Variants in DENND5B observed in about 807,000 individuals in gnomAD.
DENND5B encodes DENN domain containing 5B, also known as DENN domain-containing protein 5B.
Under a neutral mutation model 140.6 loss-of-function variants are expected in DENND5B, and 34 were observed. That is an observed-to-expected ratio of 0.24 (90% CI 0.18 to 0.32). DENND5B has a LOEUF of 0.32. Among genes scored for constraint, DENND5B ranks in the 10% least tolerant of loss-of-function variants. The probability of loss-of-function intolerance (pLI) is 1.00; values close to 1 mark genes in which losing one functional copy is unlikely to be tolerated. For synonymous variants in DENND5B, 551 were observed against 562.1 expected, an observed-to-expected ratio of 0.98 and a Z score of 0.28; for missense variants, 1,142 against 1,560.2, an observed-to-expected ratio of 0.73 and a Z score of 4.52.
intron 1 of DENND5B, among the ~76,000 whole-genome samples, chr12:31,503,547 T>C (rs1947089005): frequency 6.6e-6 from 1 of 152,154 alleles, no homozygotes; most frequent in Non-Finnish European, 1.5e-5. Flanking sequence ...CCAAACTCTG[T>C]GTCTAAACAA....
chr12:31,418,307 G>T (rs1470685877), intron 11 of DENND5B, among the ~76,000 whole-genome samples: 2 of 142,434 alleles, frequency 1.4e-5, no homozygotes, highest in Admixed American at 7.3e-5. Context: ...TTGAGATAGG[G>T]TCTCACTCTT....
At chr12:31,552,050 C>G (rs1202453877) in intron 1 of DENND5B, among the ~76,000 whole-genome samples, 2 of 152,046 alleles carry the variant, frequency 1.3e-5, no homozygotes, top group African/African-American at 2.4e-5. Context: ...ATTGAATACC[C>G]TTTATTTCCT....
At position 31,392,693 on chromosome 12, in the gene DENND5B, G is replaced by A. The variant is rs1407343028; in HGVS notation, c.3260C>T (p.Pro1087Leu). Residue 1087 changes from proline (P) to leucine (L), a missense_variant, in exon 18 of 21, where the codon CCC (proline) becomes CTC (leucine). Coordinates refer to ENST00000389082, the MANE Select transcript of DENND5B (RefSeq NM_144973.4). ...TCCTTCTTGTATCTGCCCAGCATTG[G>A]GTTCTGTAAAATAATAAACAGTGGC... ...ITSLTGKNNKPNAGQIQEGIG... is the reference protein window; with the variant it reads ...ITSLTGKNNKLNAGQIQEGIG... 7 of 1,554,266 alleles carry A rather than the reference G, an allele frequency of 4.5e-6. No homozygotes were observed. The highest frequency in any genetic ancestry group is 3.3e-4 in the Middle Eastern group (2 of 5,988).
chr12:31,572,585 A>G (rs1949866548), intron 1 of DENND5B, among the ~76,000 whole-genome samples: 1 of 151,532 alleles, frequency 6.6e-6, no homozygotes. Flanking sequence ...ACACATAGCC[A>G]ATGAAATCAG....
At chr12:31,500,437 C>T (rs547319670) in intron 1 of DENND5B, 13 of 446,546 alleles carry the variant, frequency 2.9e-5, no homozygotes, top group Admixed American at 9.8e-5. Context: ...CTCAGCACTT[C>T]GGGAGGCCGA....
At chr12:31,569,548 C>A (rs1258875582) in intron 1 of DENND5B, among the ~76,000 whole-genome samples, 1 of 152,156 alleles carries the variant, frequency 6.6e-6, no homozygotes, top group African/African-American at 2.4e-5. Context: ...ATGGCTCATG[C>A]CTATAATCCC....
rs766821895 is a variant in DENND5B, at chr12:31,451,987, T to C, written c.1582A>G (p.Met528Val). The C allele has an allele frequency of 8.1e-6, 13 of 1,612,946 alleles. No individual in the cohort carries two copies. The highest frequency in any genetic ancestry group is 4.5e-5 in the East Asian group (2 of 44,896). ...TCCCGGTTGGTCAGCCAGGATTCCA[T>C]GTCCTGGGCAGTCTGAATGACAAAT... ...EAFVIQTAQD[M>V]ESWLTNREQM... Residue 528 changes from methionine to valine, a missense_variant, in exon 5 of 21, where the codon ATG becomes GTG. Around this residue, in one of 5 missense-constraint regions of DENND5B, gnomAD observed 708 missense variants for 905.5 expected, o/e 0.78. Coordinates refer to ENST00000389082, the MANE Select transcript of DENND5B (RefSeq NM_144973.4).
In DENND5B at chr12:31,447,637, C is replaced by T; in HGVS notation, c.1762G>A (p.Val588Ile). Reference protein sequence around the residue: ...QWEEKDPLLRVFDTRIDKIRL... With the variant: ...QWEEKDPLLRIFDTRIDKIRL... ...ATCTTATCAATCCGAGTGTCAAAGA[C>T]CCGAAGCAAAGGATCTTTCTCTTCC... is the stretch of plus-strand genomic sequence containing the variant. Residue 588 changes from valine (V) to isoleucine (I), a missense_variant, in exon 6 of 21, where the codon GTC becomes ATC. This residue lies in a region of DENND5B where 708 missense variants were observed against 905.5 expected (regional missense o/e 0.78). Coordinates refer to ENST00000389082, the MANE Select transcript of DENND5B (RefSeq NM_144973.4). 1 of 1,613,820 alleles carries T rather than the reference C, an allele frequency of 6.2e-7. No homozygotes were observed. The highest frequency in any genetic ancestry group is 8.5e-7 in the Non-Finnish European group (1 of 1,179,854).
chr12:31,485,111 A>C (rs1176587816), intron 2 of DENND5B, among the ~76,000 whole-genome samples: 1 of 152,196 alleles, frequency 6.6e-6, no homozygotes, highest in African/African-American at 2.4e-5. Flanking sequence ...AAGTATGCTC[A>C]GCAAATCGAT....
chr12:31,581,863 G>A (rs182228865), intron 1 of DENND5B, among the ~76,000 whole-genome samples: 316 of 152,228 alleles, frequency 2.1e-3, no homozygotes, highest in Admixed American at 6.1e-3. Context: ...GGATGCTCAA[G>A]CCCCTTACAT....
intron 1 of DENND5B, among the ~76,000 whole-genome samples, chr12:31,579,877 G>A (rs1474850856): frequency 1.3e-5 from 2 of 151,668 alleles, no homozygotes; most frequent in African/African-American, 4.8e-5. Context: ...CTGGCCAAGA[G>A]GACCTTACAT....
At chr12:31,522,940 A>G (rs1011004104) in intron 1 of DENND5B, among the ~76,000 whole-genome samples, 12 of 151,982 alleles carry the variant, frequency 7.9e-5, no homozygotes, top group African/African-American at 2.7e-4. Flanking sequence ...TTTCAGACCT[A>G]GAGTGGGGCT....
At chr12:31,567,902 G>C (rs1426251891) in intron 1 of DENND5B, among the ~76,000 whole-genome samples, 1 of 152,114 alleles carries the variant, frequency 6.6e-6, no homozygotes, top group African/African-American at 2.4e-5. Flanking sequence ...GTCTTGCTTT[G>C]TTGACCAGGC....
intron 1 of DENND5B, among the ~76,000 whole-genome samples, chr12:31,559,750 A>G (rs1317567238): frequency 1.3e-5 from 2 of 152,222 alleles, no homozygotes; most frequent in Non-Finnish European, 2.9e-5. Context: ...CAACAGTGAA[A>G]GAAATAGAAT....
chr12:31,576,390 GT>G (rs1950018281), intron 1 of DENND5B, among the ~76,000 whole-genome samples: 1 of 148,100 alleles, frequency 6.8e-6, no homozygotes, highest in African/African-American at 2.5e-5. Flanking sequence ...GAGACAGAGT[GT>G]GTTGCAGTGA....
intron 1 of DENND5B, among the ~76,000 whole-genome samples, chr12:31,554,086 G>A (rs540784074): frequency 6.6e-6 from 1 of 152,330 alleles, no homozygotes; most frequent in East Asian, 1.9e-4. Context: ...ATTGTTATGT[G>A]TGAATTTGAT....
chr12:31,474,953 G>C (rs771587427), intron 3 of DENND5B, among the ~76,000 whole-genome samples: 20 of 152,140 alleles, frequency 1.3e-4, no homozygotes, highest in Non-Finnish European at 2.4e-4. Context: ...TATTGAGACA[G>C]ATAAGGAGAG....
In DENND5B at chr12:31,577,262, G is replaced by A. The variant is rs370583242; in HGVS notation, c.127+13444C>T. 5.8e-4 allele frequency among the ~76,000 whole-genome samples: 88 copies of A among 152,272 alleles called. 2 individuals are homozygous for A. Among genetic ancestry groups the A allele is most frequent in the African/African-American group, 2.0e-3 (85 of 41,564 alleles). ...AGTATGTTGTACTAGAAAAGAGGAA[G>A]AGAAGGGAGGGGCAAGAAAATATAG... On this transcript the variant is annotated intron_variant, in intron 1 of 20. Transcript: ENST00000389082.
chr12:31,579,876 AG>A (rs1950159797), intron 1 of DENND5B, among the ~76,000 whole-genome samples: 1 of 151,870 alleles, frequency 6.6e-6, no homozygotes, highest in Admixed American at 6.6e-5. Context: ...TCTGGCCAAG[AG>A]GACCTTACAT....
Sources: allele counts gnomAD v4.1 joint callset (sites outside exome capture counted in the v4.1 genomes callset), GRCh38; gene constraint gnomAD v4.1.1; regional missense constraint gnomAD v4.1.1; transcripts MANE v1.5; gene names NCBI Gene and HGNC (gene_info 2026-07-23, HGNC 2026-07-21).